Variants in WWOX observed in about 807,000 individuals in gnomAD.
WWOX encodes WW domain-containing oxidoreductase.
Under a neutral mutation model 46.2 loss-of-function variants are expected in WWOX, and 69 were observed. That is an observed-to-expected ratio of 1.49 (90% CI 1.23 to 1.82). The LOEUF (loss-of-function observed/expected upper bound fraction) is 1.82. Ranked by LOEUF, WWOX falls within the 40% of genes most tolerant of loss-of-function variation. The probability of loss-of-function intolerance (pLI) is 0.00; values close to 1 mark genes in which losing one functional copy is unlikely to be tolerated. For synonymous variants in WWOX, 359 were observed against 202.6 expected, an observed-to-expected ratio of 1.77 and a Z score of -6.56; for missense variants, 919 against 542.6, an observed-to-expected ratio of 1.69 and a Z score of -6.89.
Position 79,052,309 on chromosome 16 carries a change from G to A in WWOX, c.1057-159299G>A, listed in dbSNP as rs189761463. ...GCGTTGTTTGGTGTTTTGTTCTTGCGATAGTTTACTGACAGTGATGATTTC... is the reference window on the plus strand; with the variant it reads ...GCGTTGTTTGGTGTTTTGTTCTTGCAATAGTTTACTGACAGTGATGATTTC... On this transcript the variant is annotated intron_variant, in intron 8 of 8. Transcript: ENST00000566780. Among the ~76,000 whole-genome samples the A allele has an allele frequency of 2.4e-3, 358 of 151,992 alleles. 2 individuals are homozygous for A. Among genetic ancestry groups the A allele is most frequent in the South Asian group, 0.011 (52 of 4,816 alleles).
intron 8 of WWOX, among the ~76,000 whole-genome samples, chr16:79,072,616 C>T (rs750086573): frequency 6.6e-6 from 1 of 152,144 alleles, no homozygotes; most frequent in Admixed American, 6.5e-5. Flanking sequence ...GTATCATTAT[C>T]GAAGCTATAA....
chr16:78,444,810 G>A (rs2083521455), intron 8 of WWOX, among the ~76,000 whole-genome samples: 1 of 152,092 alleles, frequency 6.6e-6, no homozygotes, highest in Admixed American at 6.5e-5. Flanking sequence ...AATTACAGGC[G>A]TGAGCCACCG....
chr16:78,948,783 C>G (rs1397780075), intron 8 of WWOX, among the ~76,000 whole-genome samples: 4 of 152,092 alleles, frequency 2.6e-5, no homozygotes, highest in African/African-American at 7.2e-5. Context: ...CAAAAGGGAC[C>G]TTGCAGATGT....
intron 6 of WWOX, among the ~76,000 whole-genome samples, chr16:78,403,268 C>G (rs188568670): frequency 5.4e-4 from 82 of 152,320 alleles, no homozygotes; most frequent in African/African-American, 1.9e-3. Flanking sequence ...AAAGCCCACT[C>G]CCTGCATTAA....
chr16:78,515,353 G>C (rs1350934938), intron 8 of WWOX, among the ~76,000 whole-genome samples: 1 of 152,178 alleles, frequency 6.6e-6, no homozygotes, highest in African/African-American at 2.4e-5. Context: ...TGTAATTTCA[G>C]ACTCTGCGTA....
At chr16:78,521,552 C>T (rs372000591) in intron 8 of WWOX, among the ~76,000 whole-genome samples, 1 of 152,256 alleles carries the variant, frequency 6.6e-6, no homozygotes, top group South Asian at 2.1e-4. Flanking sequence ...AAATAGAGTT[C>T]TACTTATATT....
In WWOX at chr16:78,640,768, G is replaced by A. The variant is rs138048847; in HGVS notation, c.1056+208016G>A. On this transcript the variant is annotated intron_variant, in intron 8 of 8. Coordinates refer to ENST00000566780, the MANE Select transcript of WWOX (RefSeq NM_016373.4). ...AGCCTGGGCAACACGGTGAAACCCC[G>A]ACTCTACTAAAATACAAAAAATTAG... Among the ~76,000 whole-genome samples the A allele has an allele frequency of 1.9e-3, 294 of 151,868 alleles. 1 individual carries two copies. The highest frequency in any genetic ancestry group is 6.8e-3 in the African/African-American group (282 of 41,474).
chr16:78,578,106 T>C (rs2151583815), intron 8 of WWOX, among the ~76,000 whole-genome samples: 1 of 151,642 alleles, frequency 6.6e-6, no homozygotes, highest in East Asian at 1.9e-4. Context: ...AGATACTGTG[T>C]CATCTTAATA....
chr16:78,402,510 G>A (rs2082436997), intron 6 of WWOX, among the ~76,000 whole-genome samples: 1 of 152,108 alleles, frequency 6.6e-6, no homozygotes, highest in African/African-American at 2.4e-5. Flanking sequence ...GGAAAGTAGG[G>A]TTGGAGGTCC....
At chr16:79,030,568 G>A (rs576582294) in intron 8 of WWOX, among the ~76,000 whole-genome samples, 1 of 152,292 alleles carries the variant, frequency 6.6e-6, no homozygotes, top group African/African-American at 2.4e-5. Context: ...ACTCATATGA[G>A]GGCTGTCTTG....
At chr16:78,739,345 G>A (rs925503241) in intron 8 of WWOX, among the ~76,000 whole-genome samples, 1 of 152,160 alleles carries the variant, frequency 6.6e-6, no homozygotes, top group Non-Finnish European at 1.5e-5. Flanking sequence ...TCGCAGCAGA[G>A]GGCATTAGGA....
At position 78,406,676 on chromosome 16, in the gene WWOX, G is replaced by C. The variant is rs971101300; in HGVS notation, c.606-18194G>C. On this transcript the variant is annotated intron_variant, in intron 6 of 8. Transcript: ENST00000566780. ...GAGTGTCACTCTGTTGCCGAGGCTG[G>C]AGTGTAGTGGCGCAATCTCGGCTCA... is the stretch of plus-strand genomic sequence containing the variant. 5.7e-4 allele frequency among the ~76,000 whole-genome samples: 86 copies of C among 149,736 alleles called. 1 individual carries two copies. The highest frequency in any genetic ancestry group is 1.2e-4 in the Non-Finnish European group (8 of 67,618).
chr16:78,419,106 G>A lies in WWOX; in HGVS notation c.606-5764G>A, dbSNP rs2082865748. ...AACAGGTTCAGCCAGGATAAAAGTA[G>A]GATAAAAGTTTAATATGCGTAAGTC... On this transcript the variant is annotated intron_variant, in intron 6 of 8. Transcript: ENST00000566780. 3.3e-5 allele frequency among the ~76,000 whole-genome samples: 5 copies of A among 151,914 alleles called. No homozygotes were observed. The South Asian group carries it at 1.0e-3, about 32-fold the overall frequency.
chr16:78,191,715 C>G (rs529589155), intron 5 of WWOX, among the ~76,000 whole-genome samples: 1 of 152,010 alleles, frequency 6.6e-6, no homozygotes, highest in Non-Finnish European at 1.5e-5. Flanking sequence ...TCTTGATCCT[C>G]GGAAGAGATT....
chr16:78,781,295 C>T (rs546952398), intron 8 of WWOX, among the ~76,000 whole-genome samples: 2 of 152,202 alleles, frequency 1.3e-5, no homozygotes, highest in African/African-American at 2.4e-5. Context: ...TTCTGCACCT[C>T]AATTTCTAAA....
chr16:79,165,513 G>A (rs945498237), intron 8 of WWOX, among the ~76,000 whole-genome samples: 1 of 152,146 alleles, frequency 6.6e-6, no homozygotes, highest in Non-Finnish European at 1.5e-5. Context: ...TCCTTGGGAT[G>A]TTTATTCTTT....
At chr16:78,786,015 T>C (rs1056188135) in intron 8 of WWOX, among the ~76,000 whole-genome samples, 1 of 152,214 alleles carries the variant, frequency 6.6e-6, no homozygotes, top group Non-Finnish European at 1.5e-5. Context: ...CAAGCGATTC[T>C]CATGGCTTAG....
intron 8 of WWOX, among the ~76,000 whole-genome samples, chr16:79,019,147 G>C (rs8064141): frequency 8.9e-6 from 1 of 112,102 alleles, no homozygotes; most frequent in African/African-American, 3.8e-5. Context: ...AGCAGAGTGC[G>C]ACCTTGTCTC....
intron 8 of WWOX, among the ~76,000 whole-genome samples, chr16:78,841,899 C>T (rs2052161140): frequency 6.6e-6 from 1 of 152,110 alleles, no homozygotes; most frequent in African/African-American, 2.4e-5. Flanking sequence ...AAACGAGGGT[C>T]TCGATTATTG....
Sources: gnomAD v4.1 joint callset for allele counts (sites outside exome capture counted in the v4.1 genomes callset) on GRCh38, gnomAD v4.1.1 for gene constraint, MANE v1.5 for transcripts, NCBI Gene and HGNC (gene_info 2026-07-23, HGNC 2026-07-21) for gene names.